DRC8: variants seen among roughly 807,000 people sequenced by gnomAD.
DRC8 encodes the protein dynein regulatory complex protein 8.
At chr1:245,120,219 G>A in the DRC8 span, among the ~76,000 whole-genome samples, 1 of 152,158 alleles carries the variant, frequency 6.6e-6, no homozygotes, top group Non-Finnish European at 1.5e-5. Context: ...TCCCCTGAGT[G>A]CACCGATTCC....
At chr1:245,083,216 G>A in the DRC8 span, among the ~76,000 whole-genome samples, 21 of 152,236 alleles carry the variant, frequency 1.4e-4, 1 homozygote, top group Admixed American at 1.3e-3. Flanking sequence ...TGTGAACTGT[G>A]CGTGTTAGGG....
At chr1:245,055,934 G>T in the DRC8 span, among the ~76,000 whole-genome samples, 3 of 152,218 alleles carry the variant, frequency 2.0e-5, no homozygotes, top group Admixed American at 1.3e-4. Flanking sequence ...TTGCTGTGCT[G>T]CCCAGGTGGA....
the DRC8 span, among the ~76,000 whole-genome samples, chr1:245,118,138 C>T: frequency 6.6e-5 from 10 of 152,062 alleles, no homozygotes; most frequent in East Asian, 3.9e-4. Flanking sequence ...ACACTTAGAC[C>T]GAGAACTGAA....
the DRC8 span, among the ~76,000 whole-genome samples, chr1:245,036,167 A>G: frequency 6.6e-6 from 1 of 152,224 alleles, no homozygotes; most frequent in South Asian, 2.1e-4. Flanking sequence ...CCTGTAATAT[A>G]TAAAAAACTG....
chr1:245,042,389 A>G, the DRC8 span, among the ~76,000 whole-genome samples: 5,270 of 152,336 alleles, frequency 0.035, 323 homozygotes, highest in African/African-American at 0.12. Context: ...CAGTGGAGAC[A>G]CGATCTCTTG....
chr1:244,986,944 C>T, the DRC8 span, among the ~76,000 whole-genome samples: 5 of 152,030 alleles, frequency 3.3e-5, no homozygotes, highest in Non-Finnish European at 7.4e-5. Context: ...ACCTTTCAGT[C>T]CAACTTCTGA....
chr1:245,083,848 G>A, the DRC8 span: 12 of 1,040,124 alleles, frequency 1.2e-5, no homozygotes, highest in Non-Finnish European at 1.6e-5. Flanking sequence ...TCTGTTCTGT[G>A]GGGGTTAAGA....
chr1:245,046,460 G>A, the DRC8 span, among the ~76,000 whole-genome samples: 1 of 152,128 alleles, frequency 6.6e-6, no homozygotes, highest in Non-Finnish European at 1.5e-5. Context: ...TAGCAATACG[G>A]TTTCCTCCAC....
chr1:245,084,740 G>A, the DRC8 span, among the ~76,000 whole-genome samples: 2 of 152,086 alleles, frequency 1.3e-5, no homozygotes, highest in African/African-American at 4.8e-5. Flanking sequence ...AATCACTTGA[G>A]GCAGAATGAA....
the DRC8 span, chr1:245,083,450 C>A: frequency 5.0e-6 from 8 of 1,613,578 alleles, no homozygotes; most frequent in Non-Finnish European, 6.8e-6. Flanking sequence ...AGATACAGAC[C>A]AATTCCAGAA....
At chr1:245,091,226 G>T in the DRC8 span, 1 of 152,378 alleles carries the variant, frequency 6.6e-6, no homozygotes, top group African/African-American at 2.4e-5. Flanking sequence ...ACACATTGCA[G>T]CGGGGAAGGA....
At chr1:245,064,107 C>T in the DRC8 span, among the ~76,000 whole-genome samples, 16 of 152,226 alleles carry the variant, frequency 1.1e-4, no homozygotes, top group Admixed American at 6.5e-4. Context: ...AGCTGTAATG[C>T]GAATCAGGTG....
the DRC8 span, among the ~76,000 whole-genome samples, chr1:245,107,467 CAG>C: frequency 1.3e-5 from 2 of 152,236 alleles, no homozygotes; most frequent in Non-Finnish European, 2.9e-5. Context: ...TCTTATTCAG[CAG>C]AGAGCGTAGA....
the DRC8 span, among the ~76,000 whole-genome samples, chr1:244,979,292 C>CTTTT: frequency 7.8e-4 from 40 of 51,382 alleles, 4 homozygotes; most frequent in African/African-American, 3.0e-3. Flanking sequence ...CGAAGCTTAT[C>CTTTT]TTTTTTTTTT....
At chr1:245,032,323 C>G in the DRC8 span, among the ~76,000 whole-genome samples, 1 of 152,116 alleles carries the variant, frequency 6.6e-6, no homozygotes, top group African/African-American at 2.4e-5. Flanking sequence ...AGTCCAGGAG[C>G]CAGGCTGTAA....
chr1:245,100,079 G>A, the DRC8 span, among the ~76,000 whole-genome samples: 5 of 151,838 alleles, frequency 3.3e-5, no homozygotes, highest in Admixed American at 3.3e-4. Flanking sequence ...TACTATAATC[G>A]TCCCTTTAAA....
the DRC8 span, among the ~76,000 whole-genome samples, chr1:245,021,839 A>C: frequency 6.6e-6 from 1 of 152,072 alleles, no homozygotes; most frequent in Non-Finnish European, 1.5e-5. Context: ...TAAGAACTTT[A>C]AAATACATAT....
At chr1:245,058,692 C>G in the DRC8 span, among the ~76,000 whole-genome samples, 1 of 152,116 alleles carries the variant, frequency 6.6e-6, no homozygotes, top group African/African-American at 2.4e-5. Flanking sequence ...TATTGAATAG[C>G]ATTTATACTT....
the DRC8 span, among the ~76,000 whole-genome samples, chr1:245,074,418 A>G: frequency 6.6e-6 from 1 of 152,182 alleles, no homozygotes. Context: ...CTGGAACTGG[A>G]GAGGATGAAA....
Sources: allele counts gnomAD v4.1 joint callset (sites outside exome capture counted in the v4.1 genomes callset), GRCh38; gene constraint gnomAD v4.1.1; transcripts MANE v1.5; gene names NCBI Gene and HGNC (gene_info 2026-07-23, HGNC 2026-07-21).